Variants in RILPL1 observed in about 807,000 individuals in gnomAD.
The protein encoded by RILPL1 is RILP-like protein 1.
A neutral mutation model predicts 50.3 loss-of-function variants in RILPL1; 33 were observed. The observed-to-expected ratio is 0.66, with a 90% confidence interval of 0.50 to 0.88. RILPL1 has a LOEUF of 0.88. Among genes scored for constraint, RILPL1 ranks in the 40% least tolerant of loss-of-function variants. RILPL1 has a pLI of 0.00. For synonymous variants in RILPL1, 205 were observed against 228.6 expected, an observed-to-expected ratio of 0.90 and a Z score of 0.93; for missense variants, 418 against 542.5, an observed-to-expected ratio of 0.77 and a Z score of 2.28.
At chr12:123,521,684 TACAC>T (rs1176692874) in intron 2 of RILPL1, among the ~76,000 whole-genome samples, 1 of 18,802 alleles carries the variant, frequency 5.3e-5, no homozygotes, top group African/African-American at 9.9e-5. Context: ...TATATATATA[TACAC>T]ACATATATGT....
rs1885500059 is a variant in RILPL1, at chr12:123,533,131, G to A, written c.309+43C>T. The A allele has an allele frequency of 6.7e-7, 1 of 1,485,464 alleles. No individual in the cohort carries two copies. Among genetic ancestry groups the A allele is most frequent in the Middle Eastern group, 2.2e-4 (1 of 4,650 alleles). 92.0% of individuals were successfully genotyped at this position (1,485,464 alleles called of 1,614,324 possible). ...AATGCGGAAGAGCCCTTGGGTCCCC[G>A]CGGTCCCACTGCCCGGACGGACAGA... On this transcript the variant is annotated intron_variant, in intron 1 of 6. Coordinates refer to ENST00000376874, the MANE Select transcript of RILPL1 (RefSeq NM_178314.5). This position sits in a 1 kb window ranked among gnomAD's most constrained non-coding sequence, Gnocchi z 6.2.
chr12:123,511,395 GA>G (rs1884182760), intron 2 of RILPL1, among the ~76,000 whole-genome samples: 1 of 146,622 alleles, frequency 6.8e-6, no homozygotes, highest in African/African-American at 2.5e-5. Flanking sequence ...TGTGGTGTGT[GA>G]GGTCTGTGTG....
At chr12:123,517,331 T>C (rs2139375557) in intron 2 of RILPL1, among the ~76,000 whole-genome samples, 1 of 152,202 alleles carries the variant, frequency 6.6e-6, no homozygotes, top group East Asian at 1.9e-4. Flanking sequence ...GTCACCCAAT[T>C]TGTGGTCATT....
At chr12:123,497,681 C>T (rs1883113022) in intron 4 of RILPL1, among the ~76,000 whole-genome samples, 1 of 152,112 alleles carries the variant, frequency 6.6e-6, no homozygotes, top group Non-Finnish European at 1.5e-5. Flanking sequence ...TGTGAGCCAC[C>T]ATACCCAGCC....
intron 3 of RILPL1, among the ~76,000 whole-genome samples, chr12:123,499,199 G>A (rs765495037): frequency 3.3e-5 from 5 of 152,188 alleles, no homozygotes; most frequent in Non-Finnish European, 5.9e-5. Context: ...GAGGCGGGAG[G>A]AGCCTGCTCA....
intron 2 of RILPL1, among the ~76,000 whole-genome samples, chr12:123,521,674 T>C (rs370656917): frequency 1.1e-4 from 3 of 26,150 alleles, no homozygotes; most frequent in Admixed American, 4.8e-4. Flanking sequence ...TATATATAAA[T>C]ATATATATAT....
chr12:123,523,671 G>A (rs1302145743), intron 1 of RILPL1, 26 bp from the exon 2 acceptor site: 2 of 1,608,100 alleles, frequency 1.2e-6, no homozygotes, highest in South Asian at 2.2e-5. Context: ...GACAGCATGG[G>A]GTCACTGCCT....
chr12:123,503,272 C>T (rs1416477272), intron 2 of RILPL1, among the ~76,000 whole-genome samples: 4 of 142,880 alleles, frequency 2.8e-5, no homozygotes, highest in Non-Finnish European at 6.0e-5. Context: ...GCGATCTCAG[C>T]TCACTGCAAC....
At chr12:123,512,849 GGTT>G (rs1566137769) in intron 2 of RILPL1, among the ~76,000 whole-genome samples, 1 of 145,416 alleles carries the variant, frequency 6.9e-6, no homozygotes, top group African/African-American at 2.6e-5. Flanking sequence ...TGCTGTGTGA[GGTT>G]TGTGTGTGTG....
At chr12:123,525,700 CAAAAAAAAAA>C (rs1207503097) in intron 1 of RILPL1, among the ~76,000 whole-genome samples, 2 of 44,988 alleles carry the variant, frequency 4.4e-5, no homozygotes, top group African/African-American at 1.4e-4. Context: ...GACACTGTCT[CAAAAAAAAAA>C]AAAAAAAAAA....
In RILPL1 at chr12:123,519,073, A is replaced by G. The variant is rs1293481202; in HGVS notation, c.460+4422T>C. Among the ~76,000 whole-genome samples, 15 of 145,992 alleles carry G rather than the reference A, an allele frequency of 1.0e-4. No individual in the cohort carries two copies. The South Asian group carries it at 1.5e-3, about 15-fold the overall frequency. ...CTCCATCTCAAAAAAAAAAAAAAAA[A>G]AGAAAAGAAAAAAGAAATTACTTCA... On this transcript the variant is annotated intron_variant, in intron 2 of 6. Transcript: ENST00000376874.
At chr12:123,507,583 T>C (rs1341628923) in intron 2 of RILPL1, among the ~76,000 whole-genome samples, 3 of 145,274 alleles carry the variant, frequency 2.1e-5, no homozygotes, top group African/African-American at 7.9e-5. Flanking sequence ...AAAAAAGATG[T>C]ATGTGTGTAT....
Position 123,485,262 on chromosome 12 carries a change from A to G in RILPL1, c.974+371T>C, listed in dbSNP as rs1208212331. 1 of 462,744 alleles carries G rather than the reference A, an allele frequency of 2.2e-6. No homozygotes were observed. Among genetic ancestry groups the G allele is most frequent in the Non-Finnish European group, 4.3e-6 (1 of 231,324 alleles). 28.7% of individuals were successfully genotyped at this position (462,744 alleles called of 1,614,324 possible). A position where few individuals can be genotyped will look rare whatever the true frequency, so the allele number is the denominator to read the frequency against. On this transcript the variant is annotated intron_variant, in intron 5 of 6. Coordinates refer to ENST00000376874, the MANE Select transcript of RILPL1 (RefSeq NM_178314.5). The surrounding 1 kb of genome is among the most constrained non-coding windows in gnomAD (Gnocchi z 4.0). Reference sequence around the variant, plus strand: ...AGCATGAGAGTGAACAGGATAATGTAGGAGGTGAAAAGGGCCACATAGACC... The same window carrying G: ...AGCATGAGAGTGAACAGGATAATGTGGGAGGTGAAAAGGGCCACATAGACC...
chr12:123,484,887 G>A, intron 5 of RILPL1: 4 of 260,252 alleles, frequency 1.5e-5, no homozygotes, highest in South Asian at 1.2e-4. Context: ...TTCGAGTCCT[G>A]GGTTCAAGTG....
chr12:123,484,967 C>CA, intron 5 of RILPL1: 1 of 329,928 alleles, frequency 3.0e-6, no homozygotes, highest in Non-Finnish European at 6.1e-6. Context: ...CCTCTCCCAT[C>CA]TTTGAACATC....
At chr12:123,481,570 T>C (rs991348605) in intron 6 of RILPL1, among the ~76,000 whole-genome samples, 2 of 151,796 alleles carry the variant, frequency 1.3e-5, no homozygotes, top group African/African-American at 4.8e-5. Flanking sequence ...TTTTTTTTTT[T>C]TTTGAGGCGG....
intron 4 of RILPL1, among the ~76,000 whole-genome samples, chr12:123,496,084 T>C (rs958567971): frequency 1.1e-4 from 17 of 151,876 alleles, no homozygotes; most frequent in Admixed American, 9.2e-4. Flanking sequence ...GTGATCTCAG[T>C]TCACCACAAC....
chr12:123,474,420 C>CA (rs1881449221), intron 6 of RILPL1: 1 of 152,234 alleles, frequency 6.6e-6, no homozygotes, highest in South Asian at 2.1e-4. Context: ...GGCTTGATCT[C>CA]AGTTCACTGC....
At position 123,533,598 on chromosome 12, in the gene RILPL1, G is replaced by A. The variant is rs1885531737; in HGVS notation, c.-116C>T. On this transcript the variant is annotated 5_prime_UTR_variant, in exon 1 of 7. Transcript: ENST00000376874. The surrounding 1 kb of genome is among the most constrained non-coding windows in gnomAD (Gnocchi z 6.2). ...GGGCCGCGGGCGGGCGCGCTCAGCG[G>A]GCGCTGGGGCGAGGGCGCAGCGGGC... is the stretch of plus-strand genomic sequence containing the variant. 5 of 792,634 alleles carry A rather than the reference G, an allele frequency of 6.3e-6. No homozygotes were observed. Among genetic ancestry groups the A allele is most frequent in the African/African-American group, 3.7e-5 (2 of 54,086 alleles). The allele number at this position is 792,634 out of a possible 1,614,324, so 49.1% of individuals were successfully genotyped here. A position where few individuals can be genotyped will look rare whatever the true frequency, so the allele number is the denominator to read the frequency against.
Sources: allele counts gnomAD v4.1 joint callset (sites outside exome capture counted in the v4.1 genomes callset), GRCh38; gene constraint gnomAD v4.1.1; non-coding constraint Gnocchi (gnomAD v3.1); transcripts MANE v1.5; gene names NCBI Gene and HGNC (gene_info 2026-07-23, HGNC 2026-07-21).